VPS13B: variants seen among roughly 807,000 people sequenced by gnomAD.
VPS13B encodes the protein intermembrane lipid transfer protein VPS13B.
VPS13B carries 285 observed loss-of-function variants against 426.4 expected under a neutral mutation model. That is an observed-to-expected ratio of 0.67 (90% CI 0.61 to 0.74). The LOEUF (loss-of-function observed/expected upper bound fraction) is 0.74, where lower values mean the gene tolerates loss of function less well. Ranked by LOEUF, VPS13B falls within the 30% of genes least tolerant of loss-of-function variation. VPS13B has a pLI of 0.00. For missense variants in VPS13B, 4,537 were observed against 4,782.6 expected (o/e 0.95, Z 1.51); for synonymous variants, 1,676 against 1,676.4 (o/e 1.00, Z 0.01).
At chr8:99,507,695 C>G in intron 28 of VPS13B, 1 of 1,599,916 alleles carries the variant, frequency 6.3e-7, no homozygotes, top group Non-Finnish European at 8.5e-7. Flanking sequence ...TTAAAACTAT[C>G]CAGATATTTT....
At chr8:99,428,214 G>C (rs989106845) in intron 21 of VPS13B, among the ~76,000 whole-genome samples, 1 of 152,144 alleles carries the variant, frequency 6.6e-6, no homozygotes, top group South Asian at 2.1e-4. Flanking sequence ...TACCATTCAG[G>C]ACATAGGCAT....
intron 34 of VPS13B, among the ~76,000 whole-genome samples, chr8:99,649,254 G>A (rs967551991): frequency 4.6e-5 from 7 of 151,944 alleles, no homozygotes; most frequent in Admixed American, 2.6e-4. Flanking sequence ...AAATTTATGG[G>A]TATATTGTTT....
At chr8:99,334,492 G>A (rs1186066502) in intron 19 of VPS13B, among the ~76,000 whole-genome samples, 2 of 152,076 alleles carry the variant, frequency 1.3e-5, no homozygotes, top group Admixed American at 6.6e-5. Flanking sequence ...CTGTGGGTTT[G>A]TCATAGATAG....
At chr8:99,748,119 A>G (rs943405825) in intron 39 of VPS13B, among the ~76,000 whole-genome samples, 7 of 152,068 alleles carry the variant, frequency 4.6e-5, no homozygotes, top group East Asian at 1.9e-4. Flanking sequence ...TTAGGTGTCT[A>G]TGGCTTTTAT....
At chr8:99,252,452 T>G (rs1385519908) in intron 17 of VPS13B, among the ~76,000 whole-genome samples, 1 of 152,092 alleles carries the variant, frequency 6.6e-6, no homozygotes, top group Non-Finnish European at 1.5e-5. Context: ...TTTTGTTCAT[T>G]TCTGGCCCAG....
In VPS13B at chr8:99,737,106, CTTTTTTTTTTTTTTTT is replaced by C. The variant is rs386413466; in HGVS notation, c.7050+16076_7050+16091del. 5.2e-4 allele frequency among the ~76,000 whole-genome samples: 23 copies of C among 44,380 alleles called. 1 individual carries two copies. The highest frequency in any genetic ancestry group is 1.7e-3 in the Admixed American group (4 of 2,326). 29.1% of individuals were successfully genotyped at this position (44,380 alleles called of 152,430 possible). A position where few individuals can be genotyped will look rare whatever the true frequency, so the allele number is the denominator to read the frequency against. ...CAGGAAAGCCTTTGAAGATGTCCTTCTTTTTTTTTTTTTTTTTTTTTTTTTTTTTTTTGAGACAGAG... is the reference window on the plus strand; with the variant it reads ...CAGGAAAGCCTTTGAAGATGTCCTTCTTTTTTTTTTTTTTTTGAGACAGAG... On this transcript the variant is annotated intron_variant, in intron 39 of 61. Transcript: ENST00000357162.
chr8:99,578,010 G>A (rs2133812898), intron 33 of VPS13B, among the ~76,000 whole-genome samples: 1 of 152,188 alleles, frequency 6.6e-6, no homozygotes, highest in African/African-American at 2.4e-5. Flanking sequence ...AGAGTACTAT[G>A]GGAATATCTT....
In VPS13B at chr8:99,746,432, C is replaced by T. The variant is rs139511721; in HGVS notation, c.7051-20342C>T. 1.3e-5 allele frequency among the ~76,000 whole-genome samples: 2 copies of T among 152,184 alleles called. 1 individual carries two copies. The highest frequency in any genetic ancestry group is 4.1e-4 in the South Asian group (2 of 4,822). On this transcript the variant is annotated intron_variant, in intron 39 of 61. Transcript: ENST00000357162. ...GTACTATGGTTTGTCAGCAATTTCCCCAACTCACAGGATTTAAATTTAGTC... is the reference window on the plus strand; with the variant it reads ...GTACTATGGTTTGTCAGCAATTTCCTCAACTCACAGGATTTAAATTTAGTC...
chr8:99,521,254 G>C (rs1253951085), intron 30 of VPS13B, among the ~76,000 whole-genome samples: 1 of 152,150 alleles, frequency 6.6e-6, no homozygotes, highest in Admixed American at 6.6e-5. Flanking sequence ...AACTGAAGAA[G>C]CATAGTTTGG....
chr8:99,748,725 T>G (rs942134230), intron 39 of VPS13B, among the ~76,000 whole-genome samples: 5 of 151,998 alleles, frequency 3.3e-5, no homozygotes, highest in African/African-American at 1.2e-4. Context: ...GTTGAAGTGG[T>G]CATTTAAGAA....
chr8:99,643,225 G>A (rs188297354), intron 34 of VPS13B, among the ~76,000 whole-genome samples: 45 of 151,972 alleles, frequency 3.0e-4, no homozygotes, highest in Admixed American at 2.5e-3. Flanking sequence ...TTGGAGATTT[G>A]GCCAAAAAAA....
intron 54 of VPS13B, among the ~76,000 whole-genome samples, chr8:99,836,876 C>T (rs865967450): frequency 6.6e-6 from 1 of 152,196 alleles, no homozygotes. Flanking sequence ...ATCATCTCCA[C>T]GGAGGGAGAA....
At chr8:99,208,335 A>C (rs1814854288) in intron 17 of VPS13B, among the ~76,000 whole-genome samples, 1 of 152,180 alleles carries the variant, frequency 6.6e-6, no homozygotes, top group Non-Finnish European at 1.5e-5. Flanking sequence ...ACAAATATCC[A>C]ACCCATATCA....
At chr8:99,377,568 T>C (rs562555262) in intron 19 of VPS13B, among the ~76,000 whole-genome samples, 2 of 152,350 alleles carry the variant, frequency 1.3e-5, no homozygotes, top group Admixed American at 1.3e-4. Context: ...TTTATCTTCA[T>C]GATTTCATAA....
At chr8:99,243,444 G>A (rs922003999) in intron 17 of VPS13B, among the ~76,000 whole-genome samples, 2 of 152,080 alleles carry the variant, frequency 1.3e-5, no homozygotes, top group Admixed American at 1.3e-4. Flanking sequence ...TGGTCAGGGT[G>A]TGGAGCATGT....
chr8:99,360,713 G>A (rs968917839), intron 19 of VPS13B, among the ~76,000 whole-genome samples: 3 of 152,116 alleles, frequency 2.0e-5, no homozygotes, highest in Non-Finnish European at 2.9e-5. Context: ...ACTGGCAAGG[G>A]CAAAAGGTGG....
chr8:99,401,823 G>A (rs909549882), intron 21 of VPS13B, among the ~76,000 whole-genome samples: 3 of 152,084 alleles, frequency 2.0e-5, no homozygotes, highest in South Asian at 4.1e-4. Context: ...CCGAGATCGC[G>A]CCACTGCACC....
intron 42 of VPS13B, among the ~76,000 whole-genome samples, chr8:99,782,936 G>T (rs1812088049): frequency 6.6e-6 from 1 of 152,072 alleles, no homozygotes; most frequent in Non-Finnish European, 1.5e-5. Flanking sequence ...TATGAAGCAA[G>T]GTTCGGTTCA....
intron 19 of VPS13B, among the ~76,000 whole-genome samples, chr8:99,345,677 A>G (rs1811498315): frequency 6.6e-6 from 1 of 152,178 alleles, no homozygotes; most frequent in South Asian, 2.1e-4. Context: ...TTTTCCCTAC[A>G]TGAGCAAAAG....
Sources: allele counts gnomAD v4.1 joint callset (sites outside exome capture counted in the v4.1 genomes callset), GRCh38; gene constraint gnomAD v4.1.1; transcripts MANE v1.5; gene names NCBI Gene and HGNC (gene_info 2026-07-23, HGNC 2026-07-21).